Variants in MED13 observed in about 807,000 individuals in gnomAD.
MED13 encodes mediator of RNA polymerase II transcription subunit 13.
A neutral mutation model predicts 225.2 loss-of-function variants in MED13; 23 were observed. The observed-to-expected ratio is 0.10, with a 90% CI of 0.07 to 0.14. The LOEUF (loss-of-function observed/expected upper bound fraction) is 0.14, where lower values mean the gene tolerates loss of function less well. Among genes scored for constraint, MED13 ranks in the 10% least tolerant of loss-of-function variants. The pLI is 1.00. For missense variants in MED13, 2,197 were observed against 2,594.5 expected, an observed-to-expected ratio of 0.85 and a Z score of 3.33; for synonymous variants, 942 against 889.2, an observed-to-expected ratio of 1.06 and a Z score of -1.06.
At chr17:61,992,750 G>GT (rs11375626) in intron 10 of MED13, 129 bp from the exon 11 acceptor site, 626,664 of 626,666 alleles carry the variant, frequency 1, 313,331 homozygotes, top group Middle Eastern at 1. Context: ...GATTCTTACA[G>GT]TAACAAGTAA....
At chr17:61,996,549 T>C (rs2080348522) in intron 9 of MED13, among the ~76,000 whole-genome samples, 1 of 152,206 alleles carries the variant, frequency 6.6e-6, no homozygotes, top group Non-Finnish European at 1.5e-5. Flanking sequence ...TGTTCCTCAA[T>C]GGGTTCCAGA....
chr17:62,016,687 A>G (rs2080584959), intron 8 of MED13, among the ~76,000 whole-genome samples: 1 of 152,248 alleles, frequency 6.6e-6, no homozygotes, highest in Non-Finnish European at 1.5e-5. Flanking sequence ...TGTATGTCAA[A>G]ATAATATTTT....
intron 28 of MED13, among the ~76,000 whole-genome samples, chr17:61,950,345 T>A (rs1165874477): frequency 6.6e-6 from 1 of 151,844 alleles, no homozygotes; most frequent in Non-Finnish European, 1.5e-5. Context: ...GAGTTTGACT[T>A]AGGAATAAAG....
chr17:62,023,998 T>C (rs2080675003), intron 8 of MED13, among the ~76,000 whole-genome samples: 1 of 151,598 alleles, frequency 6.6e-6, no homozygotes, highest in South Asian at 2.1e-4. Context: ...CTCTGAGAAA[T>C]TTCTGAAAAT....
chr17:62,043,063 G>A (rs1158829504), intron 3 of MED13, among the ~76,000 whole-genome samples: 1 of 145,114 alleles, frequency 6.9e-6, no homozygotes. Flanking sequence ...GGCTGAGGCA[G>A]GAGAATTGTT....
rs1223129702 is a variant in MED13 at position 61,945,235 on chromosome 17, A to C, written c.*1233T>G. 2 of 152,198 alleles carry C rather than the reference A, an allele frequency of 1.3e-5. No homozygotes were observed. The highest frequency in any genetic ancestry group is 2.1e-4 in the South Asian group (1 of 4,820). 9.4% of individuals were successfully genotyped at this position (152,198 alleles called of 1,614,324 possible). On this transcript the variant is annotated 3_prime_UTR_variant, in exon 30 of 30. Transcript: ENST00000397786. ...AGTTTGATTGCGCGCACACACACAC[A>C]CCCATACATATGCATACTCTCACAT...
chr17:61,995,191 A>G lies in MED13; in HGVS notation c.2142T>C (p.Asp714=), dbSNP rs756540459. ...CAGCTTCTCTCTCACTATTTTGTCT[A>G]TCTTTTTTATCAGGAAAAAGGAATT... ...DEEFLFPDKK[D]RQNSEREAGK... is the part of the protein sequence containing the mutation. Residue 714 remains aspartate (D), a synonymous_variant, in exon 10 of 30, where the codon GAT becomes GAC. Coordinates refer to ENST00000397786, the MANE Select transcript of MED13 (RefSeq NM_005121.3). The G allele has an allele frequency of 8.7e-6, 14 of 1,613,594 alleles. No individual in the cohort carries two copies. Among genetic ancestry groups the G allele is most frequent in the African/African-American group, 1.3e-5 (1 of 74,880 alleles).
In MED13 at chr17:62,055,163, G is replaced by C. The variant is rs537934749; in HGVS notation, c.302-2458C>G. On this transcript the variant is annotated intron_variant, in intron 2 of 29. Coordinates refer to ENST00000397786, the MANE Select transcript of MED13 (RefSeq NM_005121.3). ...TAATCCCAGCACTTCAGGAGGCCAA[G>C]GCAAGTGGACCACTTGAGGCCAGGA... is the stretch of plus-strand genomic sequence containing the variant. Among the ~76,000 whole-genome samples, 8 of 152,248 alleles carry C rather than the reference G, an allele frequency of 5.3e-5. No individual in the cohort carries two copies. In the East Asian group the frequency reaches 1.5e-3, roughly 29 times the overall value.
At chr17:61,961,441 A>G (rs533382565) in intron 22 of MED13, 147 bp downstream of exon 22, 262 of 713,198 alleles carry the variant, frequency 3.7e-4, no homozygotes, top group Admixed American at 6.6e-4. Context: ...AATCGCTTGA[A>G]CCCAGGAGGC....
intron 10 of MED13, among the ~76,000 whole-genome samples, chr17:61,994,755 GCTGGA>G: frequency 6.6e-6 from 1 of 152,156 alleles, no homozygotes; most frequent in African/African-American, 2.4e-5. Context: ...TGTCACCCAA[GCTGGA>G]GTGCAGTAGC....
intron 16 of MED13, 58 bp from the exon 17 acceptor site, chr17:61,972,946 A>T (rs2080122550): frequency 6.9e-7 from 1 of 1,440,430 alleles, no homozygotes; most frequent in Non-Finnish European, 9.4e-7. Flanking sequence ...ACACAAATAA[A>T]ATTTTAAGAT....
chr17:62,063,193 G>A lies in MED13; in HGVS notation c.175C>T (p.Arg59Cys). 1.2e-6 allele frequency: 2 copies of A among 1,614,094 alleles called. No individual in the cohort carries two copies. Among genetic ancestry groups the A allele is most frequent in the Non-Finnish European group, 1.7e-6 (2 of 1,179,990 alleles). Reference sequence around the variant, plus strand: ...CCAAGTACATCTGCCTTAAGGCAGCGACTAAAACTGCTCAAAATGGGGTCT... The same window carrying A: ...CCAAGTACATCTGCCTTAAGGCAGCAACTAAAACTGCTCAAAATGGGGTCT... ...EEDPILSSFS[R>C]CLKADVLGVW... is the part of the protein sequence containing the mutation. Residue 59 changes from arginine to cysteine, a missense_variant, in exon 2 of 30, where the codon CGC becomes TGC. By Grantham distance (180) the Arg-to-Cys change is radical. Coordinates refer to ENST00000397786, the MANE Select transcript of MED13 (RefSeq NM_005121.3).
chr17:62,036,976 A>T (rs980256699), intron 3 of MED13: 1 of 152,168 alleles, frequency 6.6e-6, no homozygotes. Context: ...AATTTTTTTT[A>T]GGCCAGGCAC....
At chr17:62,064,127 T>C (rs915355035) in intron 1 of MED13, among the ~76,000 whole-genome samples, 3 of 152,226 alleles carry the variant, frequency 2.0e-5, no homozygotes, top group Admixed American at 6.5e-5. Context: ...ACTTGCCAAC[T>C]AGTTGTGCTC....
intron 8 of MED13, among the ~76,000 whole-genome samples, chr17:62,017,058 T>G (rs940465439): frequency 3.3e-5 from 5 of 150,536 alleles, no homozygotes; most frequent in African/African-American, 9.7e-5. Flanking sequence ...ATAAAGTAAA[T>G]TAAACAAATT....
At chr17:61,971,803 G>T (rs1046269382) in intron 17 of MED13, among the ~76,000 whole-genome samples, 1 of 151,808 alleles carries the variant, frequency 6.6e-6, no homozygotes, top group African/African-American at 2.4e-5. Flanking sequence ...GCATGGTGGC[G>T]TGCACCCATA....
At chr17:62,027,804 A>T (rs1032289042) in intron 8 of MED13, among the ~76,000 whole-genome samples, 1 of 152,254 alleles carries the variant, frequency 6.6e-6, no homozygotes, top group Non-Finnish European at 1.5e-5. Flanking sequence ...GCCAACATGC[A>T]TATGTAAAAA....
chr17:61,998,987 C>T (rs1160736628), intron 9 of MED13, among the ~76,000 whole-genome samples: 5 of 145,140 alleles, frequency 3.4e-5, no homozygotes, highest in Non-Finnish European at 7.5e-5. Flanking sequence ...CTAAACTGAG[C>T]CAAGGTCACT....
At chr17:61,953,739 T>C (rs190581759) in intron 26 of MED13, among the ~76,000 whole-genome samples, 2 of 152,334 alleles carry the variant, frequency 1.3e-5, no homozygotes, top group East Asian at 3.9e-4. Flanking sequence ...ACTAAATGTG[T>C]AGTACTTTGT....
Sources: gnomAD v4.1 joint callset for allele counts (sites outside exome capture counted in the v4.1 genomes callset) on GRCh38, gnomAD v4.1.1 for gene constraint, MANE v1.5 for transcripts, NCBI Gene and HGNC (gene_info 2026-07-23, HGNC 2026-07-21) for gene names.